The following SHANK2 variants were observed in gnomAD, a reference collection of about 807,000 sequenced individuals.
SHANK2 encodes the protein SH3 and multiple ankyrin repeat domains protein 2.
In SHANK2, 43 loss-of-function variants were observed where a neutral mutation model predicts 133.7. That is an observed-to-expected ratio of 0.32 (90% CI 0.25 to 0.41). The LOEUF (loss-of-function observed/expected upper bound fraction) is 0.41. Among genes scored for constraint, SHANK2 ranks in the 10% least tolerant of loss-of-function variants. The pLI is 1.00. For synonymous variants in SHANK2, 1,017 were observed against 952.8 expected (o/e 1.07, Z -1.24); for missense variants, 1,994 against 2,235.8 (o/e 0.89, Z 2.18).
At chr11:70,665,703 T>G (rs1201046870) in intron 15 of SHANK2, among the ~76,000 whole-genome samples, 2 of 152,196 alleles carry the variant, frequency 1.3e-5, no homozygotes, top group Non-Finnish European at 2.9e-5. Flanking sequence ...CTTGACTACT[T>G]ACAGCCTCAA....
At chr11:70,772,322 C>T (rs1947268199) in intron 14 of SHANK2, among the ~76,000 whole-genome samples, 1 of 151,818 alleles carries the variant, frequency 6.6e-6, no homozygotes, top group South Asian at 2.1e-4. Context: ...CGCCTGTAAT[C>T]CTAGCTACTC....
chr11:70,608,255 G>C (rs1247121830), intron 17 of SHANK2, among the ~76,000 whole-genome samples: 1 of 152,108 alleles, frequency 6.6e-6, no homozygotes, highest in Admixed American at 6.5e-5. Context: ...TTGTGGGTGC[G>C]AACCACCTCA....
intron 2 of SHANK2, among the ~76,000 whole-genome samples, chr11:71,167,219 C>T (rs1197837680): frequency 6.6e-6 from 1 of 152,232 alleles, no homozygotes; most frequent in Non-Finnish European, 1.5e-5. Flanking sequence ...CCATCCGATT[C>T]TCAATCTTTT....
chr11:70,885,417 G>A (rs1431199807), intron 11 of SHANK2, among the ~76,000 whole-genome samples: 2 of 152,214 alleles, frequency 1.3e-5, no homozygotes, highest in Non-Finnish European at 2.9e-5. Context: ...TGGGGGATCC[G>A]CAGTGGGACA....
chr11:70,706,560 G>A (rs61886419), intron 14 of SHANK2, among the ~76,000 whole-genome samples: 23,147 of 151,914 alleles, frequency 0.15, 3,040 homozygotes, highest in African/African-American at 0.35. Context: ...GAAGTGGGCC[G>A]GTGGGACTAA....
At chr11:71,073,136 C>CTTTTCTTTTT (rs1951164763) in intron 9 of SHANK2, among the ~76,000 whole-genome samples, 16 of 72,396 alleles carry the variant, frequency 2.2e-4, no homozygotes, top group Admixed American at 4.5e-4. Context: ...TGTTTTTTTT[C>CTTTTCTTTTT]TTTTTCTTTT....
intron 11 of SHANK2, among the ~76,000 whole-genome samples, chr11:70,851,155 T>C (rs1300018159): frequency 6.7e-6 from 1 of 150,250 alleles, no homozygotes; most frequent in African/African-American, 2.5e-5. Flanking sequence ...AGCCCTTAAC[T>C]CTCAGATCCA....
intron 12 of SHANK2, among the ~76,000 whole-genome samples, chr11:70,815,145 G>C (rs2135314008): frequency 7.0e-6 from 1 of 141,950 alleles, no homozygotes; most frequent in South Asian, 2.3e-4. Flanking sequence ...TACCCTCCCG[G>C]ACCAGCACCT....
chr11:70,647,916 T>C (rs565215473), intron 17 of SHANK2, among the ~76,000 whole-genome samples: 1 of 151,998 alleles, frequency 6.6e-6, no homozygotes, highest in African/African-American at 2.4e-5. Context: ...ATTCCACTCC[T>C]AGGTATGTAC....
chr11:70,725,844 G>C (rs1008157193), intron 14 of SHANK2, among the ~76,000 whole-genome samples: 1 of 152,202 alleles, frequency 6.6e-6, no homozygotes, highest in Non-Finnish European at 1.5e-5. Context: ...GAAGCATGGG[G>C]GGAAGAACAG....
intron 22 of SHANK2, among the ~76,000 whole-genome samples, chr11:70,491,882 G>A (rs1279283682): frequency 6.6e-6 from 1 of 152,186 alleles, no homozygotes; most frequent in Non-Finnish European, 1.5e-5. Flanking sequence ...GCCCTTCATG[G>A]CACTTCTGGC....
chr11:70,826,587 G>C (rs1034079119), intron 11 of SHANK2: 3 of 469,918 alleles, frequency 6.4e-6, no homozygotes, highest in Non-Finnish European at 1.3e-5. Context: ...CCGGCCCCTC[G>C]GTGCTAGAGC....
At chr11:70,913,496 AGTT>A (rs1406044941) in intron 10 of SHANK2, among the ~76,000 whole-genome samples, 1 of 152,230 alleles carries the variant, frequency 6.6e-6, no homozygotes, top group Non-Finnish European at 1.5e-5. Flanking sequence ...GGCAGGTAAA[AGTT>A]CAGGAGAAAG....
chr11:70,599,409 C>T (rs2060446301), intron 17 of SHANK2, among the ~76,000 whole-genome samples: 4 of 143,170 alleles, frequency 2.8e-5, no homozygotes, highest in South Asian at 2.4e-4. Flanking sequence ...AGATCGAGAC[C>T]ATCCTGGCTA....
At chr11:71,173,518 A>T (rs1214648315) in intron 2 of SHANK2, among the ~76,000 whole-genome samples, 4 of 152,220 alleles carry the variant, frequency 2.6e-5, no homozygotes, top group Admixed American at 2.6e-4. Flanking sequence ...GAACCAGGCG[A>T]ATGTCCCCTT....
At chr11:70,891,002 A>AC (rs1319398861) in intron 11 of SHANK2, among the ~76,000 whole-genome samples, 2 of 151,466 alleles carry the variant, frequency 1.3e-5, no homozygotes, top group Admixed American at 6.6e-5. Context: ...GAAGATGGTG[A>AC]CCACATAGGT....
chr11:70,895,028 T>C lies in SHANK2; in HGVS notation c.1174+1473A>G, dbSNP rs142452121. ...CTCATCAATCTCTATAACGCGCTCA[T>C]GGAGGTGCTGAGGCAGCCCTGGCAG... On this transcript the variant is annotated intron_variant, in intron 11 of 25. Coordinates refer to ENST00000601538, the MANE Select transcript of SHANK2 (RefSeq NM_012309.5). Among the ~76,000 whole-genome samples the C allele has an allele frequency of 1.1e-4, 17 of 152,352 alleles. No individual in the cohort carries two copies. In the East Asian group the frequency reaches 2.9e-3, roughly 26 times the overall value.
intron 2 of SHANK2, among the ~76,000 whole-genome samples, chr11:71,197,702 G>C (rs1953935484): frequency 1.3e-5 from 2 of 152,192 alleles, no homozygotes; most frequent in Non-Finnish European, 2.9e-5. Context: ...CCAGGCTGGA[G>C]TGCAGTGGCG....
intron 2 of SHANK2, among the ~76,000 whole-genome samples, chr11:71,171,941 C>T (rs201480421): frequency 5.2e-5 from 7 of 135,256 alleles, no homozygotes; most frequent in East Asian, 4.5e-4. Flanking sequence ...CTAGTCCACA[C>T]GCCTGGGAAG....
Sources: gnomAD v4.1 joint callset for allele counts (sites outside exome capture counted in the v4.1 genomes callset) on GRCh38, gnomAD v4.1.1 for gene constraint, MANE v1.5 for transcripts, NCBI Gene and HGNC (gene_info 2026-07-23, HGNC 2026-07-21) for gene names.